The following HIP1 variants were observed in gnomAD, a reference collection of about 807,000 sequenced individuals.
HIP1 encodes huntingtin-interacting protein 1.
Under a neutral mutation model 147.6 loss-of-function variants are expected in HIP1, and 65 were observed. That is an observed-to-expected ratio of 0.44 (90% CI 0.36 to 0.54). The LOEUF (loss-of-function observed/expected upper bound fraction) is 0.54. Ranked by LOEUF, HIP1 falls within the 20% of genes least tolerant of loss-of-function variation. HIP1 has a pLI of 0.00. For synonymous variants in HIP1, 479 were observed against 504.0 expected, an observed-to-expected ratio of 0.95 and a Z score of 0.67; for missense variants, 1,061 against 1,299.6, an observed-to-expected ratio of 0.82 and a Z score of 2.82.
intron 26 of HIP1, 107 bp downstream of exon 26, chr7:75,544,981 A>G: frequency 1.2e-6 from 1 of 800,122 alleles, no homozygotes; most frequent in South Asian, 1.6e-5. Flanking sequence ...CCTGATCAAT[A>G]GTTTATTTCT....
Position 75,578,737 on chromosome 7 carries a change from C to G in HIP1, c.604+2500G>C, listed in dbSNP as rs587675050. Among the ~76,000 whole-genome samples the G allele has an allele frequency of 4.6e-5, 7 of 152,240 alleles. No homozygotes were observed. In the South Asian group the frequency reaches 1.4e-3, roughly 32 times the overall value. On this transcript the variant is annotated intron_variant, in intron 7 of 30. Transcript: ENST00000336926. Reference sequence around the variant, plus strand: ...GAATGAATTCTGAATTATCCACATACGTTGTTCCCACCAAAATCCAAATGA... The same window carrying G: ...GAATGAATTCTGAATTATCCACATAGGTTGTTCCCACCAAAATCCAAATGA...
Position 75,541,948 on chromosome 7 carries a change from G to C in HIP1, c.2923C>G (p.Gln975Glu), listed in dbSNP as rs782797327. 10 of 1,613,768 alleles carry C rather than the reference G, an allele frequency of 6.2e-6. No individual in the cohort carries two copies. In the African/African-American group the frequency reaches 1.1e-4, roughly 17 times the overall value. ...GAATCCATCTCTTGGCGTTTGATCT[G>C]TGTCAGCGTCATGCTTGAGAAGTCC... ...NMDFSSMTLT[Q>E]IKRQEMDSQV... The change falls in exon 29 of 31, where the codon CAG becomes GAG. Residue 975 changes from glutamine (Q) to glutamate (E), a missense_variant. Gln to Glu is a conservative substitution (Grantham distance 29). Transcript: ENST00000336926.
At chr7:75,548,798 C>T (rs190511123) in intron 23 of HIP1, 93 bp downstream of exon 23, 5 of 996,500 alleles carry the variant, frequency 5.0e-6, no homozygotes, top group African/African-American at 3.2e-5. Flanking sequence ...TTGCCATGGC[C>T]TTAATGAACG....
chr7:75,696,584 C>CCCCTT (rs1800646414), intron 1 of HIP1, among the ~76,000 whole-genome samples: 3 of 121,038 alleles, frequency 2.5e-5, no homozygotes, highest in African/African-American at 9.3e-5. Context: ...CCCCTCCCCT[C>CCCCTT]CCCTTCCCTC....
At chr7:75,640,525 G>A (rs1285809834) in intron 1 of HIP1, among the ~76,000 whole-genome samples, 1 of 152,186 alleles carries the variant, frequency 6.6e-6, no homozygotes. Flanking sequence ...GCTGAGGCAG[G>A]CAGATTGCTT....
intron 1 of HIP1, among the ~76,000 whole-genome samples, chr7:75,666,894 C>G (rs1015877): frequency 0.7 from 106,082 of 152,068 alleles, 37,324 homozygotes; most frequent in African/African-American, 0.77. Context: ...ATGCGACGCT[C>G]CATTTCACAA....
At chr7:75,646,146 C>T (rs540549169) in intron 1 of HIP1, among the ~76,000 whole-genome samples, 1 of 152,174 alleles carries the variant, frequency 6.6e-6, no homozygotes, top group African/African-American at 2.4e-5. Context: ...GTGGTGCAAT[C>T]TCAGCTCACT....
chr7:75,641,950 G>A (rs1554510564), intron 1 of HIP1, among the ~76,000 whole-genome samples: 1 of 152,170 alleles, frequency 6.6e-6, no homozygotes, highest in Non-Finnish European at 1.5e-5. Context: ...ATTCTTTCTT[G>A]CAAGTAGCTT....
intron 1 of HIP1, among the ~76,000 whole-genome samples, chr7:75,735,526 T>G (rs1801989784): frequency 6.6e-6 from 1 of 152,190 alleles, no homozygotes; most frequent in Non-Finnish European, 1.5e-5. Context: ...TTCTAATTCA[T>G]TTTTTATATC....
intron 1 of HIP1, among the ~76,000 whole-genome samples, chr7:75,618,722 A>G (rs948588437): frequency 6.6e-6 from 1 of 152,212 alleles, no homozygotes; most frequent in East Asian, 1.9e-4. Context: ...CACGGGAACC[A>G]TCCCTTATCC....
At chr7:75,642,811 G>GC (rs782139696) in intron 1 of HIP1, among the ~76,000 whole-genome samples, 24 of 152,178 alleles carry the variant, frequency 1.6e-4, no homozygotes, top group Non-Finnish European at 3.4e-4. Context: ...ACAGCCTTGA[G>GC]CACAGCCTGC....
intron 1 of HIP1, among the ~76,000 whole-genome samples, chr7:75,664,458 A>G (rs1465619127): frequency 7.9e-6 from 1 of 127,178 alleles, no homozygotes; most frequent in Non-Finnish European, 1.7e-5. Context: ...ACACATACAT[A>G]TGTGTGTGTG....
At chr7:75,634,896 T>TGCC (rs2117137614) in intron 1 of HIP1, among the ~76,000 whole-genome samples, 1 of 137,488 alleles carries the variant, frequency 7.3e-6, no homozygotes, top group East Asian at 2.2e-4. Flanking sequence ...GCTACAATTG[T>TGCC]GCCACTGCAC....
chr7:75,693,382 A>AC (rs1554518404), intron 1 of HIP1, among the ~76,000 whole-genome samples: 2 of 151,860 alleles, frequency 1.3e-5, no homozygotes, highest in African/African-American at 2.4e-5. Context: ...TCCAGGAGGC[A>AC]CCCCCCACGC....
chr7:75,595,216 CT>C (rs1327514499), intron 2 of HIP1, among the ~76,000 whole-genome samples: 7 of 85,758 alleles, frequency 8.2e-5, no homozygotes, highest in South Asian at 4.4e-4. Context: ...TTCTTTCTTT[CT>C]TTCTTTCTTT....
intron 1 of HIP1, among the ~76,000 whole-genome samples, chr7:75,660,303 G>T (rs1394589374): frequency 6.6e-5 from 10 of 151,040 alleles, no homozygotes; most frequent in African/African-American, 2.4e-4. Context: ...GAGGTGGGTG[G>T]ATCACTTGAG....
chr7:75,564,297 G>A (rs1163305305), intron 9 of HIP1, among the ~76,000 whole-genome samples: 1 of 135,730 alleles, frequency 7.4e-6, no homozygotes, highest in African/African-American at 3.0e-5. Flanking sequence ...TTTTTATTTT[G>A]TTTGTTTATT....
chr7:75,573,043 G>C (rs919028291), intron 8 of HIP1, among the ~76,000 whole-genome samples: 1 of 152,188 alleles, frequency 6.6e-6, no homozygotes, highest in Non-Finnish European at 1.5e-5. Flanking sequence ...GTGAAAGGGC[G>C]GGTCCCCGGT....
intron 1 of HIP1, among the ~76,000 whole-genome samples, chr7:75,726,825 C>T (rs1801665395): frequency 6.6e-6 from 1 of 150,736 alleles, no homozygotes; most frequent in Non-Finnish European, 1.5e-5. Context: ...TACAGGCACG[C>T]CCCACCATGC....
Sources: allele counts gnomAD v4.1 joint callset (sites outside exome capture counted in the v4.1 genomes callset), GRCh38; gene constraint gnomAD v4.1.1; transcripts MANE v1.5; gene names NCBI Gene and HGNC (gene_info 2026-07-23, HGNC 2026-07-21).